Variants in INSC observed in about 807,000 individuals in gnomAD.
The protein encoded by INSC is protein inscuteable homolog.
Under a neutral mutation model 58.6 loss-of-function variants are expected in INSC, and 67 were observed. The observed-to-expected ratio is 1.14, with a 90% CI of 0.94 to 1.40. INSC has a LOEUF of 1.40. Among genes scored for constraint, INSC ranks in the 40% most tolerant of loss-of-function variants. The pLI is 0.00. For synonymous variants in INSC, 262 were observed against 276.1 expected (o/e 0.95, Z 0.51); for missense variants, 714 against 692.0 (o/e 1.03, Z -0.36).
At position 15,224,973 on chromosome 11, in the gene INSC, GTC is replaced by G. The variant is rs200325079; in HGVS notation, c.992-671_992-670del. On this transcript the variant is annotated intron_variant, in intron 8 of 12. Transcript: ENST00000379556. ...TGTTGATGGCAGCTGGAGGGGTATA[GTC>G]TCTCTGTTTCACCTTTAGTCTCTTC... 5.6e-3 allele frequency among the ~76,000 whole-genome samples: 849 copies of G among 152,304 alleles called. 6 individuals carry two copies. Among genetic ancestry groups the G allele is most frequent in the African/African-American group, 0.019 (803 of 41,566 alleles).
At chr11:15,237,785 A>G (rs1016069580) in intron 10 of INSC, among the ~76,000 whole-genome samples, 1 of 152,198 alleles carries the variant, frequency 6.6e-6, no homozygotes, top group Non-Finnish European at 1.5e-5. Context: ...CTTTTAAAGA[A>G]GGAACTCATA....
intron 12 of INSC, 27 bp from the exon 13 acceptor site, chr11:15,245,885 G>A (rs766182886): frequency 3.4e-5 from 54 of 1,608,846 alleles, no homozygotes; most frequent in Admixed American, 1.3e-4. Flanking sequence ...AGTCTGACAC[G>A]TGTCACCTCT....
chr11:15,151,308 C>A (rs1848642536), intron 2 of INSC, among the ~76,000 whole-genome samples: 1 of 152,196 alleles, frequency 6.6e-6, no homozygotes, highest in African/African-American at 2.4e-5. Flanking sequence ...CACCCACAGC[C>A]TCCCTGCATG....
intron 5 of INSC, among the ~76,000 whole-genome samples, chr11:15,187,445 G>T (rs16931154): frequency 0.012 from 1,892 of 152,196 alleles, 53 homozygotes; most frequent in African/African-American, 0.044. Flanking sequence ...ACTCTACTAT[G>T]TCTGACTTAT....
chr11:15,124,746 A>G (rs1847950901), intron 1 of INSC, among the ~76,000 whole-genome samples: 3 of 152,184 alleles, frequency 2.0e-5, no homozygotes, highest in Admixed American at 1.3e-4. Flanking sequence ...TGTGCTGTCC[A>G]TCTGCTTTGG....
intron 2 of INSC, among the ~76,000 whole-genome samples, chr11:15,170,990 A>G (rs1849377790): frequency 6.6e-6 from 1 of 152,250 alleles, no homozygotes; most frequent in Non-Finnish European, 1.5e-5. Flanking sequence ...AGCTTCTGAA[A>G]TCTCACTTTC....
the INSC span, among the ~76,000 whole-genome samples, chr11:15,257,059 A>G: frequency 6.6e-6 from 1 of 152,212 alleles, no homozygotes; most frequent in East Asian, 1.9e-4. Context: ...TCCAACATTT[A>G]AGTGGCTCTC....
At chr11:15,194,576 A>G (rs961394610) in intron 6 of INSC, among the ~76,000 whole-genome samples, 1 of 152,212 alleles carries the variant, frequency 6.6e-6, no homozygotes, top group African/African-American at 2.4e-5. Context: ...TGGAGAAGTG[A>G]ATTTTATGTA....
intron 1 of INSC, among the ~76,000 whole-genome samples, chr11:15,116,845 C>CTTTT (rs1282249724): frequency 2.3e-5 from 1 of 42,778 alleles, no homozygotes; most frequent in Non-Finnish European, 4.2e-5. Context: ...TTCTTTCTTT[C>CTTTT]TTTCTCTCTC....
chr11:15,172,346 A>G (rs1191075183), intron 2 of INSC, among the ~76,000 whole-genome samples: 1 of 152,182 alleles, frequency 6.6e-6, no homozygotes, highest in East Asian at 1.9e-4. Flanking sequence ...ATGGAGGCGT[A>G]TGAAGTCTCT....
intron 8 of INSC, among the ~76,000 whole-genome samples, chr11:15,222,520 G>A (rs906223957): frequency 1.2e-4 from 19 of 152,198 alleles, no homozygotes; most frequent in African/African-American, 4.3e-4. Context: ...GTTTGGACTC[G>A]GGCTTTTCAC....
intron 7 of INSC, among the ~76,000 whole-genome samples, chr11:15,214,815 G>A (rs1851152982): frequency 6.6e-6 from 1 of 152,162 alleles, no homozygotes; most frequent in Admixed American, 6.5e-5. Flanking sequence ...GATATCTTGG[G>A]TGTGGGCTCT....
rs768875595 is a variant in INSC at position 15,190,810 on chromosome 11, C to G, written c.689C>G (p.Ala230Gly). ...GGGGCTCCCTTGTGCCGCATCATAGCCAAGGTGAGCTTCATGGTTAGGGAC... is the reference window on the plus strand; with the variant it reads ...GGGGCTCCCTTGTGCCGCATCATAGGCAAGGTGAGCTTCATGGTTAGGGAC... ...QEGAPLCRII[A>G]KEGGVVALFK... The change falls in exon 6 of 13, where the codon GCC becomes GGC. Residue 230 changes from alanine to glycine, a missense_variant. Coordinates refer to ENST00000379556, the MANE Select transcript of INSC (RefSeq NM_001042536.3). The G allele has an allele frequency of 6.2e-7, 1 of 1,609,202 alleles. No homozygotes were observed. Among genetic ancestry groups the G allele is most frequent in the East Asian group, 2.2e-5 (1 of 44,856 alleles).
At chr11:15,263,867 G>A in the INSC span, among the ~76,000 whole-genome samples, 1 of 152,096 alleles carries the variant, frequency 6.6e-6, no homozygotes, top group Non-Finnish European at 1.5e-5. Flanking sequence ...GTCAGTGGGG[G>A]ATAGCCATCA....
Position 15,187,854 on chromosome 11 carries a change from T to C in INSC, c.580-2847T>C, listed in dbSNP as rs538737769. 1.1e-3 allele frequency among the ~76,000 whole-genome samples: 162 copies of C among 152,310 alleles called. 1 individual carries two copies. Among genetic ancestry groups the C allele is most frequent in the African/African-American group, 3.5e-3 (144 of 41,572 alleles). On this transcript the variant is annotated intron_variant, in intron 5 of 12. Transcript: ENST00000379556. ...AGGCATATTTTTGAAACGTCTCCAA[T>C]GTCTTCTTGATTTCCTGAAAAAAAT...
At chr11:15,119,995 C>T (rs1474944759) in intron 1 of INSC, among the ~76,000 whole-genome samples, 1 of 152,186 alleles carries the variant, frequency 6.6e-6, no homozygotes, top group Non-Finnish European at 1.5e-5. Context: ...AGAACACCGG[C>T]CTAATTGGCA....
chr11:15,227,864 C>T (rs1334311000), intron 9 of INSC, among the ~76,000 whole-genome samples: 2 of 152,160 alleles, frequency 1.3e-5, no homozygotes. Context: ...AAGTGCCTCT[C>T]CTGTGGCTGA....
chr11:15,208,605 A>G (rs1354445121), intron 7 of INSC, among the ~76,000 whole-genome samples: 1 of 152,198 alleles, frequency 6.6e-6, no homozygotes, highest in East Asian at 1.9e-4. Context: ...CCTTCTAACA[A>G]AGACCTAGGC....
At chr11:15,181,876 A>G (rs1025023332) in intron 5 of INSC, among the ~76,000 whole-genome samples, 3 of 152,192 alleles carry the variant, frequency 2.0e-5, no homozygotes, top group Non-Finnish European at 2.9e-5. Flanking sequence ...AGTGGGAAAT[A>G]TAATAGGAAG....
Sources: gnomAD v4.1 joint callset for allele counts (sites outside exome capture counted in the v4.1 genomes callset) on GRCh38, gnomAD v4.1.1 for gene constraint, MANE v1.5 for transcripts, NCBI Gene and HGNC (gene_info 2026-07-23, HGNC 2026-07-21) for gene names.